Variants in NF1 observed in about 807,000 individuals in gnomAD.
The protein encoded by NF1 is neurofibromin.
A neutral mutation model predicts 325.7 loss-of-function variants in NF1; 122 were observed. The observed-to-expected ratio is 0.37, with a 90% CI of 0.32 to 0.44. The LOEUF (loss-of-function observed/expected upper bound fraction) is 0.44. Among genes scored for constraint, NF1 ranks in the 20% least tolerant of loss-of-function variants. NF1 has a pLI of 1.00. For missense variants in NF1, 2,140 were observed against 3,415.4 expected (o/e 0.63, Z 9.31); for synonymous variants, 1,091 against 1,186.0 (o/e 0.92, Z 1.65).
intron 1 of NF1, chr17:31,136,383 C>A (rs189687605): frequency 6.6e-6 from 1 of 152,032 alleles, no homozygotes; most frequent in Non-Finnish European, 1.5e-5. Flanking sequence ...CCGCTCCCCC[C>A]ACAACCACTT....
At chr17:31,273,383 C>G (rs2067940516) in intron 36 of NF1, among the ~76,000 whole-genome samples, 1 of 152,038 alleles carries the variant, frequency 6.6e-6, no homozygotes, top group Admixed American at 6.6e-5. Context: ...ATGAACAAAA[C>G]CAACTCCTTC....
chr17:31,260,657 T>G (rs952664945), intron 34 of NF1, 142 bp downstream of exon 34: 1 of 1,115,858 alleles, frequency 9.0e-7, no homozygotes, highest in Non-Finnish European at 1.3e-6. Flanking sequence ...ATTCTTTTTT[T>G]CAAAAAAATA....
At chr17:31,354,783 T>A (rs1481117474) in intron 51 of NF1, among the ~76,000 whole-genome samples, 2 of 152,004 alleles carry the variant, frequency 1.3e-5, no homozygotes, top group Non-Finnish European at 2.9e-5. Context: ...AGGAGGATTG[T>A]TTGAGGCTGA....
chr17:31,106,859 A>G (rs918795682), intron 1 of NF1, among the ~76,000 whole-genome samples: 3 of 152,224 alleles, frequency 2.0e-5, no homozygotes, highest in Non-Finnish European at 4.4e-5. Context: ...ATACCAACAG[A>G]AATACACATA....
chr17:31,258,305 T>C (rs2151461590), intron 31 of NF1, 39 bp from the exon 32 acceptor site: 1 of 1,612,700 alleles, frequency 6.2e-7, no homozygotes, highest in Non-Finnish European at 8.5e-7. Context: ...TTTATATTAA[T>C]TCAAACCTTA....
chr17:31,203,795 A>G (rs1222566761), intron 11 of NF1, among the ~76,000 whole-genome samples: 5 of 152,064 alleles, frequency 3.3e-5, no homozygotes, highest in Admixed American at 3.3e-4. Context: ...AAAGCATCAC[A>G]TTCTCAAATA....
chr17:31,156,960 CATTT>C (rs1179692576), intron 2 of NF1, among the ~76,000 whole-genome samples: 2 of 152,176 alleles, frequency 1.3e-5, no homozygotes, highest in Admixed American at 1.3e-4. Context: ...TGGTGTTTAG[CATTT>C]ATTTATTTAT....
chr17:31,176,279 A>G (rs2066021797), intron 5 of NF1, among the ~76,000 whole-genome samples: 1 of 152,158 alleles, frequency 6.6e-6, no homozygotes, highest in Admixed American at 6.5e-5. Context: ...ACCAGTGATA[A>G]TGAGCTTTTC....
chr17:31,131,635 T>C (rs1006803658), intron 1 of NF1, among the ~76,000 whole-genome samples: 4 of 152,208 alleles, frequency 2.6e-5, no homozygotes, highest in Admixed American at 2.6e-4. Context: ...AATAATTACA[T>C]TGATGTTACA....
chr17:31,186,345 A>G (rs1457051351), intron 8 of NF1, among the ~76,000 whole-genome samples: 1 of 152,216 alleles, frequency 6.6e-6, no homozygotes, highest in African/African-American at 2.4e-5. Flanking sequence ...GCACCACCTG[A>G]AAGTGGACAG....
chr17:31,179,429 C>T (rs2066084554), intron 5 of NF1, among the ~76,000 whole-genome samples: 1 of 152,086 alleles, frequency 6.6e-6, no homozygotes, highest in Non-Finnish European at 1.5e-5. Context: ...AAAATTGACA[C>T]CCTAACATCA....
At chr17:31,159,715 T>C (rs1338531466) in intron 3 of NF1, among the ~76,000 whole-genome samples, 1 of 152,192 alleles carries the variant, frequency 6.6e-6, no homozygotes, top group African/African-American at 2.4e-5. Context: ...AAAGAAAGTA[T>C]TTCTATACAT....
intron 36 of NF1, among the ~76,000 whole-genome samples, chr17:31,316,535 TTTCTC>T (rs2069024450): frequency 6.6e-6 from 1 of 152,202 alleles, no homozygotes; most frequent in Non-Finnish European, 1.5e-5. Context: ...TTCTTTTAAT[TTTCTC>T]TGACACGTGT....
At chr17:31,345,419 G>A in intron 48 of NF1, 1 of 1,256,558 alleles carries the variant, frequency 8.0e-7, no homozygotes, top group Non-Finnish European at 1.1e-6. Flanking sequence ...TGAGAGCGGA[G>A]GGTGCCAGAG....
chr17:31,307,809 GTTC>G, intron 36 of NF1: 1 of 1,023,688 alleles, frequency 9.8e-7, no homozygotes, highest in Non-Finnish European at 1.3e-6. Flanking sequence ...AGAAACTATA[GTTC>G]TTCTGACTCA....
chr17:31,207,592 A>G (rs1174811258), intron 12 of NF1, among the ~76,000 whole-genome samples: 1 of 152,192 alleles, frequency 6.6e-6, no homozygotes, highest in Non-Finnish European at 1.5e-5. Context: ...TTCCTTAAGT[A>G]AACTTTAAAA....
chr17:31,157,048 G>A (rs369948407), intron 2 of NF1, among the ~76,000 whole-genome samples: 70 of 152,070 alleles, frequency 4.6e-4, no homozygotes, highest in Non-Finnish European at 9.0e-4. Context: ...GTGCAGTGGC[G>A]CAATCTCGGC....
At chr17:31,279,044 G>C (rs189082963) in intron 36 of NF1, among the ~76,000 whole-genome samples, 1 of 152,252 alleles carries the variant, frequency 6.6e-6, no homozygotes, top group East Asian at 1.9e-4. Flanking sequence ...TTTGAGACCA[G>C]CCTGGGCAAC....
chr17:31,218,963 T>A, intron 13 of NF1, 42 bp from the exon 14 acceptor site: 10 of 1,483,906 alleles, frequency 6.7e-6, no homozygotes, highest in Non-Finnish European at 8.2e-6. Context: ...CTCTCTCGAT[T>A]TATTTATTTT....
Sources: gnomAD v4.1 joint callset for allele counts (sites outside exome capture counted in the v4.1 genomes callset) on GRCh38, gnomAD v4.1.1 for gene constraint, MANE v1.5 for transcripts, NCBI Gene and HGNC (gene_info 2026-07-23, HGNC 2026-07-21) for gene names.